EXOSC8: variants seen among roughly 807,000 people sequenced by gnomAD.
EXOSC8 encodes exosome complex component RRP43.
EXOSC8 carries 37 observed loss-of-function variants against 39.9 expected under a neutral mutation model. The observed-to-expected ratio is 0.93, with a 90% CI of 0.71 to 1.22. EXOSC8 has a LOEUF of 1.22. Ranked by LOEUF, EXOSC8 falls within the 50% of genes most tolerant of loss-of-function variation. The probability of loss-of-function intolerance (pLI) is 0.00; values close to 1 mark genes in which losing one functional copy is unlikely to be tolerated. For synonymous variants in EXOSC8, 93 were observed against 109.5 expected, an observed-to-expected ratio of 0.85 and a Z score of 0.94; for missense variants, 313 against 326.6, an observed-to-expected ratio of 0.96 and a Z score of 0.32.
chr13:37,007,447 G>A (rs1242798791), intron 8 of EXOSC8, among the ~76,000 whole-genome samples: 1 of 152,230 alleles, frequency 6.6e-6, no homozygotes, highest in Non-Finnish European at 1.5e-5. Context: ...TGAGGCCATA[G>A]TAATAGGGAA....
chr13:37,003,851 C>G (rs528593513), intron 4 of EXOSC8: 1 of 151,342 alleles, frequency 6.6e-6, no homozygotes, highest in East Asian at 1.9e-4. Context: ...TTTGAACTGG[C>G]TTAGTAATTG....
Position 37,006,888 on chromosome 13 carries a change from G to C in EXOSC8, c.391-87G>C, listed in dbSNP as rs546420793. ...AAAGTTATCTTGCTTGTTTAACCAA[G>C]GGTTCTGTGGTTCTTAAGTCTAAGC... On this transcript the variant is annotated intron_variant, in intron 7 of 10. Transcript: ENST00000389704. The C allele has an allele frequency of 4.4e-4, 337 of 760,806 alleles. 3 individuals carry two copies. The South Asian group carries it at 4.7e-3, about 11-fold the overall frequency. 47.1% of individuals were successfully genotyped at this position (760,806 alleles called of 1,614,324 possible).
In EXOSC8 at chr13:37,000,827, G is replaced by A. The variant is rs761841605; in HGVS notation, c.17+5G>A. ...GAAGATGGCGGCTGGGTTCAAGTGA[G>A]TGTTGGCGGGTGGCGGGTAGAGTTC... On this transcript the variant is annotated splice_donor_5th_base_variant and intron_variant, in intron 1 of 10. Coordinates refer to ENST00000389704, the MANE Select transcript of EXOSC8 (RefSeq NM_181503.3). 3 of 1,572,946 alleles carry A rather than the reference G, an allele frequency of 1.9e-6. No homozygotes were observed. The highest frequency in any genetic ancestry group is 2.6e-6 in the Non-Finnish European group (3 of 1,159,728).
intron 5 of EXOSC8, among the ~76,000 whole-genome samples, chr13:37,005,518 C>T (rs2059132487): frequency 6.6e-6 from 1 of 152,038 alleles, no homozygotes; most frequent in South Asian, 2.1e-4. Flanking sequence ...TGTCCATGGC[C>T]ACAGTTGCCT....
chr13:37,000,838 T>C lies in EXOSC8; in HGVS notation c.17+16T>C. 6.4e-7 allele frequency: 1 copy of C among 1,562,680 alleles called. No individual in the cohort carries two copies. The highest frequency in any genetic ancestry group is 8.7e-7 in the Non-Finnish European group (1 of 1,154,172). ...CTGGGTTCAAGTGAGTGTTGGCGGG[T>C]GGCGGGTAGAGTTCTGTACCCTGGC... On this transcript the variant is annotated intron_variant, in intron 1 of 10. Coordinates refer to ENST00000389704, the MANE Select transcript of EXOSC8 (RefSeq NM_181503.3).
rs763864656 is a variant in EXOSC8, at chr13:37,002,942, A to G, written c.127A>G (p.Ser43Gly). Reference sequence around the variant, plus strand: ...TTTGCTTATCTTTTCAGGTTCAATTAGTACCGCAGATGGTTCTGCTTTAGT... The same window carrying G: ...TTTGCTTATCTTTTCAGGTTCAATTGGTACCGCAGATGGTTCTGCTTTAGT... ...RTTTVNIGSI[S>G]TADGSALVKL... Residue 43 changes from serine (S) to glycine (G), a missense_variant, in exon 4 of 11, where the codon AGT becomes GGT. Ser to Gly is a moderately conservative substitution (Grantham distance 56). Transcript: ENST00000389704. The G allele has an allele frequency of 1.8e-5, 29 of 1,607,538 alleles. No homozygotes were observed. Among genetic ancestry groups the G allele is most frequent in the African/African-American group, 4.0e-5 (3 of 74,768 alleles).
chr13:37,006,185 GTTC>G (rs780837828), intron 7 of EXOSC8, 25 bp downstream of exon 7: 7 of 1,530,212 alleles, frequency 4.6e-6, no homozygotes, highest in Non-Finnish European at 6.3e-6. Flanking sequence ...GAAGCTATAA[GTTC>G]TTATTAATTC....
chr13:37,001,535 C>A (rs2059105142), intron 1 of EXOSC8: 1 of 152,144 alleles, frequency 6.6e-6, no homozygotes, highest in Admixed American at 6.5e-5. Flanking sequence ...AGTGGACTTT[C>A]TTAAAGTTTT....
In EXOSC8 at chr13:37,004,505, T is replaced by C. The variant is rs1465866649; in HGVS notation, c.193-11T>C. The C allele has an allele frequency of 1.3e-6, 2 of 1,596,438 alleles. No homozygotes were observed. The highest frequency in any genetic ancestry group is 1.7e-6 in the Non-Finnish European group (2 of 1,167,060). On this transcript the variant is annotated splice_polypyrimidine_tract_variant and intron_variant, in intron 4 of 10. Coordinates refer to ENST00000389704, the MANE Select transcript of EXOSC8 (RefSeq NM_181503.3). ...CTTCTTTCAATAGGAAACATTTCTT[T>C]GCTACTATAGGAATTTGCAGCACCA... is the stretch of plus-strand genomic sequence containing the variant.
intron 2 of EXOSC8, 54 bp downstream of exon 2, chr13:37,002,363 G>A: frequency 9.4e-6 from 14 of 1,489,186 alleles, no homozygotes; most frequent in Non-Finnish European, 1.3e-5. Flanking sequence ...TGCTTTTAAA[G>A]ATGAATTTCA....
At chr13:37,008,663 A>T in intron 9 of EXOSC8, 66 bp from the exon 10 acceptor site, 1 of 958,346 alleles carries the variant, frequency 1.0e-6, no homozygotes, top group South Asian at 1.4e-5. Context: ...GGCTGATAGT[A>T]TGTTTAGTAT....
intron 1 of EXOSC8, among the ~76,000 whole-genome samples, chr13:37,001,138 G>A (rs919442303): frequency 2.0e-5 from 3 of 152,202 alleles, no homozygotes; most frequent in Non-Finnish European, 4.4e-5. Flanking sequence ...GGCCGGGCGC[G>A]GCGGTTCACG....
intron 5 of EXOSC8, among the ~76,000 whole-genome samples, chr13:37,004,986 C>T (rs913411607): frequency 9.9e-5 from 15 of 152,134 alleles, no homozygotes; most frequent in Non-Finnish European, 1.3e-4. Context: ...TGCCAGTGCA[C>T]ACCTGTGTCC....
At chr13:37,003,873 C>G (rs907553073) in intron 4 of EXOSC8, 1 of 138,556 alleles carries the variant, frequency 7.2e-6, no homozygotes, top group Non-Finnish European at 1.6e-5. Flanking sequence ...AGAGCATTTG[C>G]TTTTTTTTTT....
intron 5 of EXOSC8, 58 bp from the exon 6 acceptor site, chr13:37,005,862 C>CAA (rs59234766): frequency 0.1 from 28,828 of 285,278 alleles, 239 homozygotes; most frequent in South Asian, 0.12. Context: ...GACTCCATCT[C>CAA]AAAAAAAAAA....
intron 5 of EXOSC8, among the ~76,000 whole-genome samples, chr13:37,004,842 G>A (rs1249517459): frequency 6.6e-6 from 1 of 152,180 alleles, no homozygotes; most frequent in Non-Finnish European, 1.5e-5. Flanking sequence ...TTGGCTGGGT[G>A]TGGTGACTCA....
At chr13:37,003,079 C>A in intron 4 of EXOSC8, 72 bp downstream of exon 4, 1 of 881,182 alleles carries the variant, frequency 1.1e-6, no homozygotes, top group Non-Finnish European at 1.9e-6. Flanking sequence ...TAATATACAC[C>A]TGTAATTCTA....
rs891901477 is a variant in EXOSC8 at position 37,005,927 on chromosome 13, T to C, written c.246T>C (p.Asn82=). 2 of 1,525,090 alleles carry C rather than the reference T, an allele frequency of 1.3e-6. No individual in the cohort carries two copies. The highest frequency in any genetic ancestry group is 1.7e-5 in the Admixed American group (1 of 58,690). 94.5% of individuals were successfully genotyped at this position (1,525,090 alleles called of 1,614,324 possible). ...GCAGAGTGTTTCTTTCAGTTCCTAATGTGGATCTACCACCCCTGTGTTCAT... is the reference window on the plus strand; with the variant it reads ...GCAGAGTGTTTCTTTCAGTTCCTAACGTGGATCTACCACCCCTGTGTTCAT... ...DAPDKGYVVP[N]VDLPPLCSSR... Residue 82 remains asparagine, a synonymous_variant, in exon 6 of 11, where the codon AAT becomes AAC. Transcript: ENST00000389704.
intron 2 of EXOSC8, 53 bp from the exon 3 acceptor site, chr13:37,002,435 G>A: frequency 7.5e-7 from 1 of 1,335,766 alleles, no homozygotes. Flanking sequence ...TGTGATAGAT[G>A]TGTAAAATAT....
Sources: gnomAD v4.1 joint callset for allele counts (sites outside exome capture counted in the v4.1 genomes callset) on GRCh38, gnomAD v4.1.1 for gene constraint, MANE v1.5 for transcripts, NCBI Gene and HGNC (gene_info 2026-07-23, HGNC 2026-07-21) for gene names.